SNED1: variants seen among roughly 807,000 people sequenced by gnomAD.
The protein encoded by SNED1 is sushi, nidogen and EGF like domains 1.
In SNED1, 81 loss-of-function variants were observed where a neutral mutation model predicts 166.7. The ratio of observed to expected loss-of-function variants is 0.49; its 90% CI spans 0.41 to 0.58. The LOEUF is 0.58. Among genes scored for constraint, SNED1 ranks in the 20% least tolerant of loss-of-function variants. The pLI, the probability that SNED1 is intolerant of heterozygous loss-of-function variation, is 0.00. For synonymous variants in SNED1, 762 were observed against 822.0 expected, an observed-to-expected ratio of 0.93 and a Z score of 1.25; for missense variants, 1,604 against 2,000.2, an observed-to-expected ratio of 0.80 and a Z score of 3.78.
intron 27 of SNED1, among the ~76,000 whole-genome samples, chr2:241,081,349 A>G (rs893621690): frequency 6.6e-6 from 1 of 152,166 alleles, no homozygotes; most frequent in Admixed American, 6.5e-5. Flanking sequence ...GCCACAGGCC[A>G]GTGGGGGCTC....
chr2:241,090,089 T>C (rs2063826776), intron 31 of SNED1: 1 of 1,508,048 alleles, frequency 6.6e-7, no homozygotes, highest in Non-Finnish European at 8.9e-7. Flanking sequence ...TTTTTTACTT[T>C]ATACATTTTT....
intron 16 of SNED1, among the ~76,000 whole-genome samples, chr2:241,057,410 T>TATATGC (rs2062087974): frequency 8.1e-6 from 1 of 123,878 alleles, no homozygotes; most frequent in African/African-American, 3.0e-5. Context: ...TATATATATA[T>TATATGC]ATGCCATACG....
chr2:241,048,169 C>G (rs1365209219), intron 8 of SNED1, 146 bp from the exon 9 acceptor site: 1 of 980,442 alleles, frequency 1.0e-6, no homozygotes, highest in African/African-American at 1.6e-5. Context: ...GCTACAAATC[C>G]ATTTCCAGAA....
chr2:241,084,211 A>G (rs1403429341), intron 29 of SNED1, among the ~76,000 whole-genome samples: 1 of 145,702 alleles, frequency 6.9e-6, no homozygotes, highest in Non-Finnish European at 1.5e-5. Context: ...ATCTTGGCTC[A>G]TCGCAACCTC....
chr2:241,013,032 C>T lies in SNED1; in HGVS notation c.213+13982C>T, dbSNP rs1435559114. ...TGTATTTTCAGTAGAGACAGGGTTT[C>T]ACCATGTTAGCCAGGATGGTCTCGA... On this transcript the variant is annotated intron_variant, in intron 1 of 31. Coordinates refer to ENST00000310397, the MANE Select transcript of SNED1 (RefSeq NM_001080437.3). The surrounding 1 kb of genome is among the most constrained non-coding windows in gnomAD (Gnocchi z 4.6). 1.7e-4 allele frequency among the ~76,000 whole-genome samples: 26 copies of T among 152,086 alleles called. No individual in the cohort carries two copies. Among genetic ancestry groups the T allele is most frequent in the Admixed American group, 1.7e-3 (26 of 15,268 alleles).
intron 24 of SNED1, 62 bp downstream of exon 24, chr2:241,070,263 A>T (rs759313827): frequency 6.6e-7 from 1 of 1,504,458 alleles, no homozygotes. Context: ...CACCCTGTTC[A>T]GGACTGACCT....
chr2:241,067,621 T>C, intron 21 of SNED1, 143 bp from the exon 22 acceptor site: 1 of 627,380 alleles, frequency 1.6e-6, no homozygotes, highest in Non-Finnish European at 2.7e-6. Flanking sequence ...CAGCCCGAGT[T>C]CCCTGAGCAG....
rs2060656858 is a variant in SNED1 at position 241,018,172 on chromosome 2, G to A, written c.214-12112G>A. Among the ~76,000 whole-genome samples, 1 of 152,234 alleles carries A rather than the reference G, an allele frequency of 6.6e-6. No individual in the cohort carries two copies. Among genetic ancestry groups the A allele is most frequent in the South Asian group, 2.1e-4 (1 of 4,838 alleles). On this transcript the variant is annotated intron_variant, in intron 1 of 31. Coordinates refer to ENST00000310397, the MANE Select transcript of SNED1 (RefSeq NM_001080437.3). The surrounding 1 kb of genome is among the most constrained non-coding windows in gnomAD (Gnocchi z 5.4). ...GTCCCTGCTGTGCTGATTTGGTTAAGTCTTTTTGCCATGTCACCGCGCATT... is the reference window on the plus strand; with the variant it reads ...GTCCCTGCTGTGCTGATTTGGTTAAATCTTTTTGCCATGTCACCGCGCATT...
Position 240,999,027 on chromosome 2 carries a change from G to T in SNED1, c.190G>T (p.Gly64Cys). ...RPLSVPFPFF[G>C]AEHSGLYVNN... ...GCTCTCGGTGCCCTTCCCGTTCTTCGGTGCCGAGCACTCCGGACTCTACGT... is the reference window on the plus strand; with the variant it reads ...GCTCTCGGTGCCCTTCCCGTTCTTCTGTGCCGAGCACTCCGGACTCTACGT... The change falls in exon 1 of 32, where the codon GGT becomes TGT. Residue 64 changes from glycine (G) to cysteine (C), a missense_variant. By Grantham distance (159) the Gly-to-Cys change is radical. Coordinates refer to ENST00000310397, the MANE Select transcript of SNED1 (RefSeq NM_001080437.3). The surrounding 1 kb of genome is among the most constrained non-coding windows in gnomAD (Gnocchi z 5.8). 3 of 1,322,210 alleles carry T rather than the reference G, an allele frequency of 2.3e-6. No individual in the cohort carries two copies. Among genetic ancestry groups the T allele is most frequent in the Non-Finnish European group, 9.7e-7 (1 of 1,031,310 alleles). The allele number at this position is 1,322,210 out of a possible 1,614,324, so 81.9% of individuals were successfully genotyped here. A position where few individuals can be genotyped will look rare whatever the true frequency, so the allele number is the denominator to read the frequency against.
chr2:241,041,752 G>A (rs867071350), intron 8 of SNED1, among the ~76,000 whole-genome samples: 1 of 152,110 alleles, frequency 6.6e-6, no homozygotes, highest in Non-Finnish European at 1.5e-5. Flanking sequence ...CGTAATGACT[G>A]ATTGACTGTA....
rs746792831 is a variant in SNED1, at chr2:241,088,450, TG to T, written c.*1+54del. ...CCACTACCACAGAGCTGCTGGGAAG[TG>T]GGGGGCGACTGCCCAGCCCCGGGAT... On this transcript the variant is annotated intron_variant, in intron 31 of 31. Transcript: ENST00000310397. The T allele has an allele frequency of 7.2e-6, 11 of 1,522,938 alleles. 1 individual carries two copies. The highest frequency in any genetic ancestry group is 5.6e-5 in the South Asian group (5 of 89,252). 94.3% of individuals were successfully genotyped at this position (1,522,938 alleles called of 1,614,324 possible).
chr2:241,030,159 G>A, intron 1 of SNED1, 125 bp from the exon 2 acceptor site: 1 of 909,654 alleles, frequency 1.1e-6, no homozygotes, highest in Non-Finnish European at 1.6e-6. Flanking sequence ...CCACCCTGGG[G>A]ATACCCTGCC....
chr2:241,010,361 T>C (rs2060353540), intron 1 of SNED1: 1 of 152,186 alleles, frequency 6.6e-6, no homozygotes, highest in Non-Finnish European at 1.5e-5. Context: ...TTCATCCAAG[T>C]CGGAAATGCC....
At chr2:241,035,951 C>G (rs1156847906) in intron 4 of SNED1, among the ~76,000 whole-genome samples, 1 of 58,228 alleles carries the variant, frequency 1.7e-5, no homozygotes, top group African/African-American at 8.1e-5. Context: ...AGGTGTGCCA[C>G]GGGGTTGGAG....
chr2:241,033,466 G>C (rs1405298925), intron 2 of SNED1: 2 of 419,782 alleles, frequency 4.8e-6, no homozygotes, highest in Non-Finnish European at 8.5e-6. Context: ...GCTCCCATCT[G>C]TGGGCCCCGC....
chr2:241,054,986 A>G (rs2062000054), intron 16 of SNED1, among the ~76,000 whole-genome samples: 1 of 152,124 alleles, frequency 6.6e-6, no homozygotes. Flanking sequence ...GTGTGGTGGC[A>G]CATGCCTGTA....
At chr2:241,063,258 A>G in intron 17 of SNED1, 1 of 479,940 alleles carries the variant, frequency 2.1e-6, no homozygotes, top group Non-Finnish European at 3.8e-6. Flanking sequence ...GTACCTCGCT[A>G]GGGCTCTAAG....
At position 241,081,664 on chromosome 2, in the gene SNED1, CCT is replaced by C. The variant is rs1223010473; in HGVS notation, c.3917-10_3917-9del. ...GGTTCCAGTGACTAACCTCTCGTGA[CCT>C]CTGTTTCCAGACGTCCCTGGCAACT... On this transcript the variant is annotated splice_polypyrimidine_tract_variant and intron_variant, in intron 27 of 31. Transcript: ENST00000310397. The C allele has an allele frequency of 6.3e-7, 1 of 1,576,610 alleles. No individual in the cohort carries two copies. The highest frequency in any genetic ancestry group is 8.6e-7 in the Non-Finnish European group (1 of 1,158,322).
intron 16 of SNED1, among the ~76,000 whole-genome samples, chr2:241,060,374 G>T (rs1444246875): frequency 6.6e-6 from 1 of 152,026 alleles, no homozygotes; most frequent in Non-Finnish European, 1.5e-5. Context: ...ATAGAGACGG[G>T]GTTTCACCAT....
Sources: allele counts gnomAD v4.1 joint callset (sites outside exome capture counted in the v4.1 genomes callset), GRCh38; gene constraint gnomAD v4.1.1; non-coding constraint Gnocchi (gnomAD v3.1); transcripts MANE v1.5; gene names NCBI Gene and HGNC (gene_info 2026-07-23, HGNC 2026-07-21).